TONSL: variants seen among roughly 807,000 people sequenced by gnomAD.
The protein encoded by TONSL is tonsoku like, DNA repair protein.
Under a neutral mutation model 147.1 loss-of-function variants are expected in TONSL, and 112 were observed. The observed-to-expected ratio is 0.76, with a 90% CI of 0.65 to 0.89. The LOEUF (loss-of-function observed/expected upper bound fraction) is 0.89. Among genes scored for constraint, TONSL ranks in the 40% least tolerant of loss-of-function variants. TONSL has a pLI of 0.00. For synonymous variants in TONSL, 868 were observed against 801.5 expected (o/e 1.08, Z -1.40); for missense variants, 1,883 against 1,864.6 (o/e 1.01, Z -0.18).
chr8:144,438,545 C>T lies in TONSL; in HGVS notation c.1579G>A (p.Asp527Asn), dbSNP rs750553346. ...CGGTGCAGCAGGGTCTCCCCCATGT[C>T]GTTTCGCCGGTTCCACTGTGGGCAC... is the stretch of plus-strand genomic sequence containing the variant. ...RKGSKWNRRNDMGETLLHRAC... is the reference protein window; with the variant it reads ...RKGSKWNRRNNMGETLLHRAC... Residue 527 changes from aspartate to asparagine, a missense_variant, in exon 13 of 26, where the codon GAC becomes AAC. Coordinates refer to ENST00000409379, the MANE Select transcript of TONSL (RefSeq NM_013432.5). 1.4e-5 allele frequency: 22 copies of T among 1,612,782 alleles called. No individual in the cohort carries two copies. The African/African-American group carries it at 1.9e-4, about 14-fold the overall frequency.
intron 7 of TONSL, 24 bp from the exon 8 acceptor site, chr8:144,441,135 G>T (rs773728926): frequency 6.2e-6 from 10 of 1,611,162 alleles, no homozygotes; most frequent in South Asian, 1.1e-5. Context: ...GTTCATGCAG[G>T]GGGGCAGCAC....
chr8:144,444,017 G>A lies in TONSL; in HGVS notation c.129C>T (p.Tyr43=). Residue 43 remains tyrosine (Y), a synonymous_variant, in exon 3 of 26, where the codon TAC becomes TAT. Transcript: ENST00000409379. The part of the protein sequence containing the change: ...LGELLAGHGR[Y]AEALEQHWQE... ...GCCAGTGCTGCTCCAGAGCCTCGGC[G>A]TAGCGGCCTAGGCGGGGGCACAGCA... The A allele has an allele frequency of 2.0e-6, 3 of 1,536,836 alleles. No individual in the cohort carries two copies. The highest frequency in any genetic ancestry group is 2.4e-5 in the East Asian group (1 of 40,874).
chr8:144,432,254 A>C (rs1554878842), intron 23 of TONSL, 31 bp downstream of exon 23: 2 of 1,608,766 alleles, frequency 1.2e-6, no homozygotes, highest in Non-Finnish European at 8.5e-7. Context: ...TCTGAGGCTC[A>C]GTATTTTCTG....
chr8:144,432,261 T>C, intron 23 of TONSL, 24 bp downstream of exon 23: 1 of 1,611,210 alleles, frequency 6.2e-7, no homozygotes, highest in Non-Finnish European at 8.5e-7. Flanking sequence ...CTCAGTATTT[T>C]CTGGGTTCTT....
At chr8:144,442,631 A>C (rs1263957693) in intron 5 of TONSL, 46 bp downstream of exon 5, 1 of 1,591,310 alleles carries the variant, frequency 6.3e-7, no homozygotes, top group Non-Finnish European at 8.6e-7. Flanking sequence ...TACTTCCTCC[A>C]GGAACAAGGG....
intron 9 of TONSL, 63 bp from the exon 10 acceptor site, chr8:144,440,539 A>C: frequency 6.5e-7 from 1 of 1,539,984 alleles, no homozygotes; most frequent in Non-Finnish European, 8.7e-7. Context: ...GGCCCCAGTC[A>C]AGCTTCCCCG....
Position 144,442,395 on chromosome 8 carries a change from T to G in TONSL, c.596A>C (p.Glu199Ala). 1 of 1,552,978 alleles carries G rather than the reference T, an allele frequency of 6.4e-7. No individual in the cohort carries two copies. Reference sequence around the variant, plus strand: ...GTTGTAGCGGGCGCGGAATAGGTCCTCGTAAAGGTGGTTCTGCCTGCAGAG... The same window carrying G: ...GTTGTAGCGGGCGCGGAATAGGTCCGCGTAAAGGTGGTTCTGCCTGCAGAG... ...IFLAEQNHLY[E>A]DLFRARYNLG... The change falls in exon 6 of 26, where the codon GAG becomes GCG. Residue 199 changes from glutamate to alanine, a missense_variant. Glu to Ala is a moderately radical substitution (Grantham distance 107). Coordinates refer to ENST00000409379, the MANE Select transcript of TONSL (RefSeq NM_013432.5).
At position 144,443,429 on chromosome 8, in the gene TONSL, CT is replaced by C. The variant is rs773409093; in HGVS notation, c.265-109del. On this transcript the variant is annotated intron_variant, in intron 3 of 25. Coordinates refer to ENST00000409379, the MANE Select transcript of TONSL (RefSeq NM_013432.5). Reference sequence around the variant, plus strand: ...TTGCTAAGGAAAGAGCCTGCTCCCCCTAACCCCCACAGAGCAGGCCAAGGCC... The same window carrying C: ...TTGCTAAGGAAAGAGCCTGCTCCCCCAACCCCCACAGAGCAGGCCAAGGCC... The C allele has an allele frequency of 1.7e-4, 198 of 1,144,012 alleles. 1 individual carries two copies. The highest frequency in any genetic ancestry group is 2.2e-4 in the Non-Finnish European group (181 of 816,860). 70.9% of individuals were successfully genotyped at this position (1,144,012 alleles called of 1,614,324 possible).
chr8:144,430,966 G>T, intron 24 of TONSL, 112 bp downstream of exon 24: 1 of 1,255,428 alleles, frequency 8.0e-7, no homozygotes, highest in Non-Finnish European at 1.1e-6. Context: ...GCCAGGTCTT[G>T]GGATGTGCTG....
chr8:144,440,520 CGTCCAACGGGCCCCA>C, intron 9 of TONSL, 44 bp from the exon 10 acceptor site: 1 of 1,551,380 alleles, frequency 6.4e-7, no homozygotes, highest in East Asian at 2.3e-5. Context: ...CCGCTGTCTG[CGTCCAACGGGCCCCA>C]GTCAAGCTTC....
chr8:144,440,320 G>A, intron 10 of TONSL, 31 bp downstream of exon 10: 1 of 1,565,960 alleles, frequency 6.4e-7, no homozygotes, highest in Non-Finnish European at 8.7e-7. Context: ...GCTCACCGGG[G>A]AGCCAGTATG....
At chr8:144,437,254 A>G (rs1216572910) in intron 13 of TONSL, among the ~76,000 whole-genome samples, 155 bp from the exon 14 acceptor site, 1 of 152,168 alleles carries the variant, frequency 6.6e-6, no homozygotes. Context: ...CCTAGGTGTC[A>G]CCAGTGAAGG....
chr8:144,436,045 G>A lies in TONSL; in HGVS notation c.2388C>T (p.Ile796=). Residue 796 remains isoleucine (I), a synonymous_variant, in exon 17 of 26, where the codon ATC becomes ATT. Coordinates refer to ENST00000409379, the MANE Select transcript of TONSL (RefSeq NM_013432.5). The part of the protein sequence containing the change: ...STSRAAYQAA[I]RGVGSAQSRL... ...GGCTCTGAGCACTGCCCACACCCCG[G>A]ATGGCTGCCTGGTAGGCTGCCCGGC... 2 of 1,574,458 alleles carry A rather than the reference G, an allele frequency of 1.3e-6. No individual in the cohort carries two copies. The highest frequency in any genetic ancestry group is 1.7e-6 in the Non-Finnish European group (2 of 1,166,784).
At chr8:144,431,566 G>A (rs979772469) in intron 23 of TONSL, among the ~76,000 whole-genome samples, 3 of 151,496 alleles carry the variant, frequency 2.0e-5, no homozygotes. Flanking sequence ...CCAGGGTGGA[G>A]TGCGGTGGCG....
intron 22 of TONSL, chr8:144,433,353 G>C (rs1823298498): frequency 2.1e-6 from 1 of 469,558 alleles, no homozygotes. Flanking sequence ...TGGGATTACA[G>C]GCGTGAGCCA....
rs753118990 is a variant in TONSL at position 144,437,001 on chromosome 8, C to T, written c.1726+26G>A. ...CGCCCCACGTGTCCACCAAGGTGCG[C>T]CAGGCTCCTTCTGTCCCTTGCTCAC... On this transcript the variant is annotated intron_variant, in intron 14 of 25. Transcript: ENST00000409379. 4.3e-6 allele frequency: 7 copies of T among 1,613,026 alleles called. No homozygotes were observed. The South Asian group carries it at 5.5e-5, about 13-fold the overall frequency.
At chr8:144,438,921 G>C in intron 11 of TONSL, 186 bp from the exon 12 acceptor site, 1 of 642,720 alleles carries the variant, frequency 1.6e-6, no homozygotes, top group Non-Finnish European at 2.8e-6. Context: ...ATGTCTCCCT[G>C]ACCCTGCTGG....
chr8:144,430,239 T>C (rs4082352), intron 25 of TONSL, among the ~76,000 whole-genome samples, 165 bp downstream of exon 25: 78,205 of 152,032 alleles, frequency 0.51, 20,277 homozygotes, highest in Middle Eastern at 0.63. Flanking sequence ...ATCATGCCCC[T>C]TTTCTGTCAC....
chr8:144,430,637 G>T, intron 24 of TONSL, 100 bp from the exon 25 acceptor site: 1 of 1,408,840 alleles, frequency 7.1e-7, no homozygotes, highest in East Asian at 2.4e-5. Flanking sequence ...AGGGAGCCTC[G>T]GGCCAGACCC....
Sources: allele counts gnomAD v4.1 joint callset (sites outside exome capture counted in the v4.1 genomes callset), GRCh38; gene constraint gnomAD v4.1.1; transcripts MANE v1.5; gene names NCBI Gene and HGNC (gene_info 2026-07-23, HGNC 2026-07-21).